Variants in PLEKHA8 observed in about 807,000 individuals in gnomAD.
PLEKHA8 encodes the protein pleckstrin homology domain-containing family A member 8.
Under a neutral mutation model 68.2 loss-of-function variants are expected in PLEKHA8, and 36 were observed. That is an observed-to-expected ratio of 0.53 (90% CI 0.40 to 0.70). The LOEUF is 0.70. PLEKHA8 is among the 30% of genes least tolerant of loss of function. The pLI, the probability that PLEKHA8 is intolerant of heterozygous loss-of-function variation, is 0.00. For synonymous variants in PLEKHA8, 211 were observed against 216.1 expected (o/e 0.98, Z 0.20); for missense variants, 505 against 615.4 (o/e 0.82, Z 1.90).
At chr7:30,074,246 T>TTGTG (rs149548208) in intron 13 of PLEKHA8, 114 bp downstream of exon 13, 22,483 of 486,842 alleles carry the variant, frequency 0.046, 321 homozygotes, top group Admixed American at 0.057. Flanking sequence ...AGAAACAAAG[T>TTGTG]TGTGTGTGTG....
At chr7:30,112,374 T>G (rs1268755844) in intron 13 of PLEKHA8, among the ~76,000 whole-genome samples, 17 of 150,430 alleles carry the variant, frequency 1.1e-4, no homozygotes, top group Non-Finnish European at 3.0e-5. Flanking sequence ...AACAAAAAGA[T>G]AACTCCTTAA....
rs976383597 is a variant in PLEKHA8, at chr7:30,084,252, A to G, written c.*5465A>G. 14 of 985,226 alleles carry G rather than the reference A, an allele frequency of 1.4e-5. No individual in the cohort carries two copies. Among genetic ancestry groups the G allele is most frequent in the Non-Finnish European group, 1.7e-5 (14 of 829,854 alleles). 61.0% of individuals were successfully genotyped at this position (985,226 alleles called of 1,614,324 possible). A position where few individuals can be genotyped will look rare whatever the true frequency, so the allele number is the denominator to read the frequency against. ...AATTTTTAAGTCACTGTTTAATTCC[A>G]TGCCTAGTATTCTTATGAATGTTTG... On this transcript the variant is annotated 3_prime_UTR_variant, in exon 14 of 14. Transcript: ENST00000449726.
downstream of PLEKHA8, among the ~76,000 whole-genome samples, chr7:30,085,324 C>T (rs556199584): frequency 5.9e-5 from 9 of 152,144 alleles, no homozygotes; most frequent in South Asian, 1.7e-3. Flanking sequence ...ATGGCCTTGC[C>T]CTGGGTGTTT....
chr7:30,031,487 G>A (rs1790660374), intron 1 of PLEKHA8, among the ~76,000 whole-genome samples: 1 of 152,188 alleles, frequency 6.6e-6, no homozygotes, highest in South Asian at 2.1e-4. Context: ...AGACGTGCGA[G>A]TTTGAGGAAA....
chr7:30,097,276 A>G lies in PLEKHA8; in HGVS notation c.1362+23144A>G, dbSNP rs1795657184. Among the ~76,000 whole-genome samples the G allele has an allele frequency of 3.3e-5, 5 of 151,930 alleles. No homozygotes were observed. The South Asian group carries it at 1.0e-3, about 32-fold the overall frequency. ...CCCTTAACATTTTTTCCTTCATTTC[A>G]ACTTTGGTGAATCTGATAATTATGT... On this transcript the variant is annotated intron_variant, in intron 13 of 13. Transcript: ENST00000396257.
Position 30,028,594 on chromosome 7 carries a change from C to G in PLEKHA8, c.-169C>G, listed in dbSNP as rs927360688. ...CCGAGGCCGCCGCAGTGACCCCGCC[C>G]CCGGGCCGAGGATGTGAGGCGGGCC... On this transcript the variant is annotated 5_prime_UTR_variant, in exon 1 of 14. Coordinates refer to ENST00000449726, the MANE Select transcript of PLEKHA8 (RefSeq NM_001197026.2). 2.3e-6 allele frequency: 1 copy of G among 435,192 alleles called. No homozygotes were observed. 27.0% of individuals were successfully genotyped at this position (435,192 alleles called of 1,614,324 possible).
At chr7:30,067,681 C>T (rs1793952993) in intron 12 of PLEKHA8, among the ~76,000 whole-genome samples, 1 of 152,188 alleles carries the variant, frequency 6.6e-6, no homozygotes, top group Non-Finnish European at 1.5e-5. Context: ...TGTCCATAAG[C>T]AGCATCTAGC....
intron 13 of PLEKHA8, among the ~76,000 whole-genome samples, chr7:30,112,868 C>G (rs1328499906): frequency 6.6e-6 from 1 of 151,712 alleles, no homozygotes; most frequent in African/African-American, 2.4e-5. Flanking sequence ...CCACTGCACT[C>G]CAGTTGGGGC....
At chr7:30,093,985 G>T (rs1324689852), downstream of PLEKHA8, among the ~76,000 whole-genome samples, 2 of 152,222 alleles carry the variant, frequency 1.3e-5, no homozygotes, top group African/African-American at 4.8e-5. Context: ...GATTAGCTGA[G>T]ATGACACATT....
intron 13 of PLEKHA8, among the ~76,000 whole-genome samples, chr7:30,119,302 A>G (rs1331284103): frequency 6.6e-6 from 1 of 152,208 alleles, no homozygotes; most frequent in African/African-American, 2.4e-5. Context: ...AACAACCCTA[A>G]GAGGTGGGCA....
In PLEKHA8 at chr7:30,083,887, A is replaced by C. The variant is rs1046106218; in HGVS notation, c.*5100A>C. The C allele has an allele frequency of 3.0e-5, 30 of 985,356 alleles. No homozygotes were observed. In the African/African-American group the frequency reaches 5.2e-4, roughly 17 times the overall value. 61.0% of individuals were successfully genotyped at this position (985,356 alleles called of 1,614,324 possible). On this transcript the variant is annotated 3_prime_UTR_variant, in exon 14 of 14. Transcript: ENST00000449726. ...CTTACAAAGTCGATCTTACCCACACAGACTCCTGTGTATGCGTGTCTGTTT... is the reference window on the plus strand; with the variant it reads ...CTTACAAAGTCGATCTTACCCACACCGACTCCTGTGTATGCGTGTCTGTTT...
chr7:30,034,673 G>A (rs1237445063), intron 1 of PLEKHA8, among the ~76,000 whole-genome samples: 2 of 152,128 alleles, frequency 1.3e-5, no homozygotes, highest in Non-Finnish European at 1.5e-5. Flanking sequence ...AGGAGGCAGA[G>A]GAAGAGGAAG....
At chr7:30,046,634 G>C (rs910410807) in intron 3 of PLEKHA8, among the ~76,000 whole-genome samples, 1 of 152,050 alleles carries the variant, frequency 6.6e-6, no homozygotes, top group Non-Finnish European at 1.5e-5. Context: ...CCTTGGCATC[G>C]GTCACTTAAC....
At position 30,080,934 on chromosome 7, in the gene PLEKHA8, T is replaced by A; in HGVS notation, c.*2147T>A. Reference sequence around the variant, plus strand: ...GATGATACCAGGTGGTTGTTAGAATTGTGCAGTGTGATCATTCTAAACAGC... The same window carrying A: ...GATGATACCAGGTGGTTGTTAGAATAGTGCAGTGTGATCATTCTAAACAGC... On this transcript the variant is annotated 3_prime_UTR_variant, in exon 14 of 14. Coordinates refer to ENST00000449726, the MANE Select transcript of PLEKHA8 (RefSeq NM_001197026.2). 1 of 985,410 alleles carries A rather than the reference T, an allele frequency of 1.0e-6. No homozygotes were observed. Among genetic ancestry groups the A allele is most frequent in the Middle Eastern group, 5.2e-4 (1 of 1,914 alleles). 61.0% of individuals were successfully genotyped at this position (985,410 alleles called of 1,614,324 possible). A position where few individuals can be genotyped will look rare whatever the true frequency, so the allele number is the denominator to read the frequency against.
In PLEKHA8 at chr7:30,028,548, C is replaced by T; in HGVS notation, c.-215C>T. The stretch of plus-strand genomic sequence containing the variant: ...TGCCGGCTTCGCCCCACGGGTTCAC[C>T]GGCTGGCTGGGCTTCAAGCGCCGAG... On this transcript the variant is annotated 5_prime_UTR_variant, in exon 1 of 14. Coordinates refer to ENST00000449726, the MANE Select transcript of PLEKHA8 (RefSeq NM_001197026.2). 1 of 377,608 alleles carries T rather than the reference C, an allele frequency of 2.6e-6. No homozygotes were observed. 23.4% of individuals were successfully genotyped at this position (377,608 alleles called of 1,614,324 possible).
At chr7:30,084,728 A>G (rs192278679), downstream of PLEKHA8, 606 of 753,080 alleles carry the variant, frequency 8.0e-4, 5 homozygotes, top group African/African-American at 0.011. Flanking sequence ...TGGAACACAC[A>G]TGACTTGCTG....
At chr7:30,061,687 T>G (rs1793448643) in intron 10 of PLEKHA8, among the ~76,000 whole-genome samples, 1 of 152,206 alleles carries the variant, frequency 6.6e-6, no homozygotes, top group Non-Finnish European at 1.5e-5. Flanking sequence ...AGAACAAAAC[T>G]TTAAACCCTG....
intron 13 of PLEKHA8, among the ~76,000 whole-genome samples, chr7:30,109,603 AAAAAAAAAAAGAG>A (rs1562554244): frequency 2.1e-5 from 3 of 142,968 alleles, no homozygotes; most frequent in Non-Finnish European, 3.1e-5. Context: ...AAAAAAAAAA[AAAAAAAAAAAGAG>A]AGAGAGATTA....
In PLEKHA8 at chr7:30,047,985, T is replaced by C. The variant is rs113889587; in HGVS notation, c.438+29T>C. ...AAATATTATTTATTAATATTATTAA[T>C]ATACATGAATAATATAAAAGAAGTG... On this transcript the variant is annotated intron_variant, in intron 4 of 13. Coordinates refer to ENST00000449726, the MANE Select transcript of PLEKHA8 (RefSeq NM_001197026.2). 127 of 1,178,652 alleles carry C rather than the reference T, an allele frequency of 1.1e-4. 1 individual carries two copies. The African/African-American group carries it at 1.8e-3, about 17-fold the overall frequency. 73.0% of individuals were successfully genotyped at this position (1,178,652 alleles called of 1,614,324 possible). A position where few individuals can be genotyped will look rare whatever the true frequency, so the allele number is the denominator to read the frequency against.
Sources: allele counts gnomAD v4.1 joint callset (sites outside exome capture counted in the v4.1 genomes callset), GRCh38; gene constraint gnomAD v4.1.1; transcripts MANE v1.5; gene names NCBI Gene and HGNC (gene_info 2026-07-23, HGNC 2026-07-21).